Variants in STYXL2 observed in about 807,000 individuals in gnomAD.
STYXL2 encodes the protein serine/threonine/tyrosine-interacting-like protein 2.
In STYXL2, 44 loss-of-function variants were observed where a neutral mutation model predicts 52.4. The observed-to-expected ratio is 0.84, with a 90% CI of 0.66 to 1.08. The LOEUF is 1.08. STYXL2 is among the 50% of genes least tolerant of loss of function. STYXL2 has a pLI of 0.00. For synonymous variants in STYXL2, 604 were observed against 586.9 expected (o/e 1.03, Z -0.42); for missense variants, 1,604 against 1,471.7 (o/e 1.09, Z -1.47).
Position 167,128,288 on chromosome 1 carries a change from G to A in STYXL2, c.3157G>A (p.Glu1053Lys), listed in dbSNP as rs775586221. The change falls in exon 6 of 6, where the codon GAG (glutamate) becomes AAG (lysine). Residue 1053 changes from glutamate to lysine, a missense_variant. Coordinates refer to ENST00000361200, the MANE Select transcript of STYXL2 (RefSeq NM_001080426.3). ...GACCCCAGAGTCCTCAGAAAGGGAA[G>A]AGTCCCCAGAACCACAGCGCCCAAA... ...RRTPESSERE[E>K]SPEPQRPNWA... 3.8e-5 allele frequency: 62 copies of A among 1,614,066 alleles called. No homozygotes were observed. In the Admixed American group the frequency reaches 1.0e-3, roughly 27 times the overall value.
intron 2 of STYXL2, among the ~76,000 whole-genome samples, chr1:167,106,334 T>C (rs917623246): frequency 1.3e-5 from 2 of 152,104 alleles, no homozygotes; most frequent in African/African-American, 4.8e-5. Context: ...TTGCTTGGAA[T>C]ACTGATTAGA....
intron 5 of STYXL2, among the ~76,000 whole-genome samples, chr1:167,122,795 A>T (rs549015421): frequency 1.3e-5 from 2 of 152,214 alleles, no homozygotes; most frequent in East Asian, 3.9e-4. Flanking sequence ...CCTCCTGAGT[A>T]GCTGCAATTC....
intron 2 of STYXL2, among the ~76,000 whole-genome samples, chr1:167,103,859 C>T (rs976244297): frequency 6.6e-6 from 1 of 152,190 alleles, no homozygotes; most frequent in Non-Finnish European, 1.5e-5. Context: ...CGGTGGCTCA[C>T]GCCTGTAACC....
At chr1:167,111,513 T>TATATATATACACAC (rs1211215448) in intron 2 of STYXL2, among the ~76,000 whole-genome samples, 9 of 50,106 alleles carry the variant, frequency 1.8e-4, no homozygotes, top group Admixed American at 4.4e-4. Context: ...TATATATATA[T>TATATATATACACAC]ACACACACAC....
chr1:167,111,979 G>T (rs565595295), intron 2 of STYXL2, among the ~76,000 whole-genome samples: 2 of 152,224 alleles, frequency 1.3e-5, no homozygotes, highest in Admixed American at 6.5e-5. Context: ...GCTGTGCCCA[G>T]TGTCAGCCAG....
rs374827440 is a variant in STYXL2 at position 167,107,676 on chromosome 1, T to C, written c.111-6034T>C. Among the ~76,000 whole-genome samples, 4 of 152,188 alleles carry C rather than the reference T, an allele frequency of 2.6e-5. No homozygotes were observed. The East Asian group carries it at 7.7e-4, about 29-fold the overall frequency. ...GAGTCAGAAATTATCTATGAAACAT[T>C]TACTGTGTGCCAGACATTCTCCTAG... On this transcript the variant is annotated intron_variant, in intron 2 of 5. Coordinates refer to ENST00000361200, the MANE Select transcript of STYXL2 (RefSeq NM_001080426.3).
intron 5 of STYXL2, among the ~76,000 whole-genome samples, chr1:167,120,099 T>C (rs1264507359): frequency 2.6e-5 from 4 of 152,206 alleles, no homozygotes; most frequent in African/African-American, 7.2e-5. Flanking sequence ...ATCTGATTTA[T>C]GTTTTGGAAA....
chr1:167,102,755 G>A (rs574136169), intron 2 of STYXL2, among the ~76,000 whole-genome samples: 26 of 152,264 alleles, frequency 1.7e-4, no homozygotes, highest in Non-Finnish European at 5.9e-5. Flanking sequence ...AGTCCTCCTT[G>A]TACTTGATAA....
At chr1:167,094,645 G>C (rs1399512077) in intron 1 of STYXL2, among the ~76,000 whole-genome samples, 189 bp from the exon 2 acceptor site, 2 of 151,964 alleles carry the variant, frequency 1.3e-5, no homozygotes. Context: ...AATATGGCGG[G>C]GTGCACTTCT....
intron 4 of STYXL2, 49 bp downstream of exon 4, chr1:167,117,608 T>C: frequency 2.7e-6 from 4 of 1,491,054 alleles, no homozygotes; most frequent in Non-Finnish European, 3.7e-6. Flanking sequence ...CTCTGGTTAG[T>C]GCCTGAGACA....
At chr1:167,115,947 G>A (rs1667713204) in intron 3 of STYXL2, among the ~76,000 whole-genome samples, 2 of 152,114 alleles carry the variant, frequency 1.3e-5, no homozygotes, top group Non-Finnish European at 1.5e-5. Context: ...TGAGCAACAA[G>A]CCCTGCTTAC....
At chr1:167,118,702 CTTG>C (rs1420868045) in intron 4 of STYXL2, among the ~76,000 whole-genome samples, 2 of 152,186 alleles carry the variant, frequency 1.3e-5, no homozygotes, top group East Asian at 1.9e-4. Context: ...AACACTAGTT[CTTG>C]TTGTCTTTTT....
In STYXL2 at chr1:167,126,532, C is replaced by T; in HGVS notation, c.1401C>T (p.Arg467=). 1.2e-6 allele frequency: 2 copies of T among 1,613,388 alleles called. No homozygotes were observed. The highest frequency in any genetic ancestry group is 1.7e-4 in the Middle Eastern group (1 of 6,036). ...GCCCGGACCACGGCAGGAGGCGCCG[C>T]GCAGACTCGATGTCCTCGGAGAGCA... ...LNRPDHGRRR[R]ADSMSSESTW... The change falls in exon 6 of 6, where the codon CGC becomes CGT. Residue 467 remains arginine (R), a synonymous_variant. Coordinates refer to ENST00000361200, the MANE Select transcript of STYXL2 (RefSeq NM_001080426.3).
chr1:167,127,237 C>T lies in STYXL2; in HGVS notation c.2106C>T (p.Asn702=). 5 of 1,614,166 alleles carry T rather than the reference C, an allele frequency of 3.1e-6. No individual in the cohort carries two copies. The highest frequency in any genetic ancestry group is 4.2e-6 in the Non-Finnish European group (5 of 1,180,010). The stretch of plus-strand genomic sequence containing the variant: ...ACATAGCGGGGTGTTCAACCTCCAA[C>T]CCCACCACACCCCTGCCTAACCTGC... ...ASNIAGCSTS[N]PTTPLPNLPV... is the part of the protein sequence containing the mutation. Residue 702 remains asparagine, a synonymous_variant, in exon 6 of 6, where the codon AAC becomes AAT. Transcript: ENST00000361200.
chr1:167,117,627 T>A (rs1051773888), intron 4 of STYXL2, 68 bp downstream of exon 4: 2 of 1,422,370 alleles, frequency 1.4e-6, no homozygotes, highest in African/African-American at 2.9e-5. Context: ...CAGACGAAAC[T>A]CCCCCAACTT....
intron 2 of STYXL2, among the ~76,000 whole-genome samples, chr1:167,107,192 G>A (rs1667521468): frequency 6.6e-6 from 1 of 152,066 alleles, no homozygotes; most frequent in South Asian, 2.1e-4. Flanking sequence ...CTTCTTATAT[G>A]GCAGCTCAGG....
chr1:167,096,810 C>CT (rs983388635), intron 2 of STYXL2, among the ~76,000 whole-genome samples: 1 of 152,022 alleles, frequency 6.6e-6, no homozygotes, highest in Non-Finnish European at 1.5e-5. Context: ...TCCATGTTAT[C>CT]TTTTTTTTCC....
intron 3 of STYXL2, among the ~76,000 whole-genome samples, chr1:167,114,522 C>T (rs1197146580): frequency 6.6e-6 from 1 of 152,278 alleles, no homozygotes; most frequent in Middle Eastern, 3.4e-3. Flanking sequence ...TCTCAACCAC[C>T]GCTGGTGGCC....
intron 2 of STYXL2, among the ~76,000 whole-genome samples, chr1:167,102,123 G>A (rs1283859856): frequency 6.6e-6 from 1 of 151,454 alleles, no homozygotes. Context: ...GCAGAAAGCA[G>A]TTTAATGGTT....
Sources: gnomAD v4.1 joint callset for allele counts (sites outside exome capture counted in the v4.1 genomes callset) on GRCh38, gnomAD v4.1.1 for gene constraint, MANE v1.5 for transcripts, NCBI Gene and HGNC (gene_info 2026-07-23, HGNC 2026-07-21) for gene names.